VTI1A: variants seen among roughly 807,000 people sequenced by gnomAD.
The protein encoded by VTI1A is vesicle transport through interaction with t-SNAREs homolog 1A.
Under a neutral mutation model 34.9 loss-of-function variants are expected in VTI1A, and 22 were observed. That is an observed-to-expected ratio of 0.63 (90% CI 0.45 to 0.90). The LOEUF (loss-of-function observed/expected upper bound fraction) is 0.90. VTI1A is among the 40% of genes least tolerant of loss of function. The pLI, the probability that VTI1A is intolerant of heterozygous loss-of-function variation, is 0.00. For synonymous variants in VTI1A, 87 were observed against 97.3 expected (o/e 0.89, Z 0.62); for missense variants, 268 against 275.6 (o/e 0.97, Z 0.20).
chr10:112,812,431 T>A (rs1219600738), intron 7 of VTI1A, among the ~76,000 whole-genome samples: 1 of 152,216 alleles, frequency 6.6e-6, no homozygotes, highest in Non-Finnish European at 1.5e-5. Context: ...CTCCGAGCTC[T>A]GCATTCCTTT....
intron 7 of VTI1A, among the ~76,000 whole-genome samples, chr10:112,718,144 C>T (rs563551148): frequency 1.3e-3 from 196 of 152,268 alleles, no homozygotes; most frequent in Non-Finnish European, 1.6e-3. Flanking sequence ...GCACTTCCAT[C>T]CATTGTTAAA....
At chr10:112,719,083 A>G (rs1032789072) in intron 7 of VTI1A, among the ~76,000 whole-genome samples, 1 of 152,246 alleles carries the variant, frequency 6.6e-6, no homozygotes, top group Admixed American at 6.5e-5. Context: ...TATTCACTGT[A>G]GAGAAGGAAA....
intron 5 of VTI1A, among the ~76,000 whole-genome samples, chr10:112,574,860 G>A (rs141003664): frequency 7.2e-5 from 11 of 152,312 alleles, no homozygotes; most frequent in African/African-American, 2.6e-4. Context: ...ATTTGACTTG[G>A]CTGGTACTAG....
At chr10:112,536,379 TCCCAGAA>T (rs1850612749) in intron 4 of VTI1A, among the ~76,000 whole-genome samples, 1 of 152,156 alleles carries the variant, frequency 6.6e-6, no homozygotes, top group Non-Finnish European at 1.5e-5. Flanking sequence ...CAATCCTTAC[TCCCAGAA>T]CCTGCACATA....
At chr10:112,659,942 A>T (rs1264604487) in intron 5 of VTI1A, among the ~76,000 whole-genome samples, 1 of 152,218 alleles carries the variant, frequency 6.6e-6, no homozygotes, top group African/African-American at 2.4e-5. Context: ...GGCAAAATGG[A>T]AACAATATGA....
chr10:112,798,869 C>T (rs1245608133), intron 7 of VTI1A, among the ~76,000 whole-genome samples: 1 of 152,192 alleles, frequency 6.6e-6, no homozygotes, highest in East Asian at 1.9e-4. Flanking sequence ...ACCTATAACA[C>T]GCTGCATAGA....
chr10:112,623,846 C>A (rs1845822697), intron 5 of VTI1A, among the ~76,000 whole-genome samples: 1 of 152,202 alleles, frequency 6.6e-6, no homozygotes, highest in South Asian at 2.1e-4. Context: ...GCTAAAGGAA[C>A]AGATTGTTTT....
chr10:112,756,658 A>C (rs1411535881), intron 7 of VTI1A, among the ~76,000 whole-genome samples: 1 of 152,134 alleles, frequency 6.6e-6, no homozygotes, highest in Non-Finnish European at 1.5e-5. Flanking sequence ...TGAATCTAGA[A>C]TATGTCATTA....
At chr10:112,696,862 G>A in intron 7 of VTI1A, among the ~76,000 whole-genome samples, 1 of 152,176 alleles carries the variant, frequency 6.6e-6, no homozygotes, top group South Asian at 2.1e-4. Flanking sequence ...AAGTGAACAG[G>A]AAAAGAGAAG....
intron 3 of VTI1A, among the ~76,000 whole-genome samples, chr10:112,509,926 G>C (rs1044283656): frequency 6.6e-6 from 1 of 152,220 alleles, no homozygotes; most frequent in African/African-American, 2.4e-5. Flanking sequence ...GTAAGATGCT[G>C]TGAGGGAGCA....
chr10:112,807,641 G>T (rs1853132956), intron 7 of VTI1A, among the ~76,000 whole-genome samples: 1 of 152,062 alleles, frequency 6.6e-6, no homozygotes, highest in Non-Finnish European at 1.5e-5. Flanking sequence ...ATCACCTGAG[G>T]TCAGGAGTTC....
the VTI1A span, among the ~76,000 whole-genome samples, chr10:112,840,904 T>C: frequency 6.6e-6 from 1 of 152,244 alleles, no homozygotes. Flanking sequence ...ACAGTTGTCT[T>C]AGTTGTTAAG....
intron 5 of VTI1A, among the ~76,000 whole-genome samples, chr10:112,551,122 T>C (rs1430417909): frequency 6.6e-6 from 1 of 151,858 alleles, no homozygotes; most frequent in African/African-American, 2.4e-5. Context: ...TGGGCGCCTG[T>C]AGTCCCAGCT....
chr10:112,723,419 C>A (rs1036210295), intron 7 of VTI1A, among the ~76,000 whole-genome samples: 3 of 152,194 alleles, frequency 2.0e-5, no homozygotes, highest in African/African-American at 7.2e-5. Context: ...CAAGCTTGAA[C>A]CCGGTAACCT....
intron 5 of VTI1A, among the ~76,000 whole-genome samples, chr10:112,561,213 A>G (rs1253246106): frequency 6.6e-6 from 1 of 152,260 alleles, no homozygotes; most frequent in Non-Finnish European, 1.5e-5. Flanking sequence ...TTTTAAGCCA[A>G]TAATGAATCT....
intron 7 of VTI1A, among the ~76,000 whole-genome samples, chr10:112,791,606 A>G (rs1361509034): frequency 6.6e-6 from 1 of 152,130 alleles, no homozygotes; most frequent in Non-Finnish European, 1.5e-5. Context: ...CAAGAAAACC[A>G]GTGAGAATGT....
intron 7 of VTI1A, among the ~76,000 whole-genome samples, chr10:112,808,000 T>C (rs1853147894): frequency 6.6e-6 from 1 of 151,196 alleles, no homozygotes; most frequent in South Asian, 2.1e-4. Context: ...AGAGGATCTC[T>C]TGAGGCCAGG....
chr10:112,497,246 A>C (rs1477641854), intron 3 of VTI1A, among the ~76,000 whole-genome samples: 1 of 151,968 alleles, frequency 6.6e-6, no homozygotes, highest in East Asian at 1.9e-4. Flanking sequence ...TGAACCCAGG[A>C]GGTGGAGGTT....
intron 3 of VTI1A, among the ~76,000 whole-genome samples, chr10:112,518,403 G>A (rs932922814): frequency 4.0e-5 from 6 of 151,676 alleles, no homozygotes; most frequent in African/African-American, 1.2e-4. Flanking sequence ...TTTGCTGGGG[G>A]AGAGTAATGT....
Sources: allele counts gnomAD v4.1 joint callset (sites outside exome capture counted in the v4.1 genomes callset), GRCh38; gene constraint gnomAD v4.1.1; transcripts MANE v1.5; gene names NCBI Gene and HGNC (gene_info 2026-07-23, HGNC 2026-07-21).